The following SUGCT variants were observed in gnomAD, a reference collection of about 807,000 sequenced individuals.
SUGCT encodes succinyl-CoA:glutarate CoA-transferase.
A neutral mutation model predicts 55.0 loss-of-function variants in SUGCT; 41 were observed. That is an observed-to-expected ratio of 0.74 (90% CI 0.58 to 0.97). SUGCT has a LOEUF of 0.97. Among genes scored for constraint, SUGCT ranks in the 50% least tolerant of loss-of-function variants. SUGCT has a pLI of 0.00. For synonymous variants in SUGCT, 187 were observed against 200.4 expected, an observed-to-expected ratio of 0.93 and a Z score of 0.56; for missense variants, 568 against 547.8, an observed-to-expected ratio of 1.04 and a Z score of -0.37.
intron 12 of SUGCT, among the ~76,000 whole-genome samples, chr7:40,628,140 G>A (rs879706086): frequency 6.6e-6 from 1 of 152,334 alleles, no homozygotes; most frequent in Non-Finnish European, 1.5e-5. Flanking sequence ...TTTTGAGAGA[G>A]AGAGACCATA....
the SUGCT span, among the ~76,000 whole-genome samples, chr7:40,915,706 C>T: frequency 8.0e-6 from 1 of 125,152 alleles, no homozygotes; most frequent in Admixed American, 7.5e-5. Flanking sequence ...CCTGCTGGGA[C>T]AGGCAGCCCT....
At chr7:40,602,018 C>T (rs1037372329) in intron 12 of SUGCT, among the ~76,000 whole-genome samples, 3 of 152,122 alleles carry the variant, frequency 2.0e-5, no homozygotes, top group Non-Finnish European at 1.5e-5. Context: ...CAAGTTTTTA[C>T]CTTGGAGACC....
At chr7:40,714,521 C>T (rs963203489) in intron 12 of SUGCT, among the ~76,000 whole-genome samples, 4 of 152,156 alleles carry the variant, frequency 2.6e-5, no homozygotes, top group African/African-American at 7.2e-5. Flanking sequence ...ATGAAGTTAA[C>T]CTCAGAGCAG....
At chr7:40,664,446 A>G (rs548512653) in intron 12 of SUGCT, among the ~76,000 whole-genome samples, 1 of 152,302 alleles carries the variant, frequency 6.6e-6, no homozygotes, top group African/African-American at 2.4e-5. Flanking sequence ...TTTAAAAATC[A>G]TAATGCCAGG....
chr7:40,298,820 T>C (rs1438998800), intron 8 of SUGCT, among the ~76,000 whole-genome samples: 1 of 152,122 alleles, frequency 6.6e-6, no homozygotes, highest in Non-Finnish European at 1.5e-5. Context: ...AAACCTGCTT[T>C]TGAGAAGCAA....
chr7:40,889,287 T>C, the SUGCT span, among the ~76,000 whole-genome samples: 1 of 152,166 alleles, frequency 6.6e-6, no homozygotes, highest in Non-Finnish European at 1.5e-5. Context: ...GGACTTGGTC[T>C]TGAAACACAT....
intron 6 of SUGCT, among the ~76,000 whole-genome samples, chr7:40,217,967 G>A (rs932483657): frequency 5.3e-5 from 8 of 152,178 alleles, no homozygotes; most frequent in Non-Finnish European, 8.8e-5. Context: ...TAATCCTAGC[G>A]CTTTGGGAGG....
At chr7:40,530,840 A>G (rs1029395523) in intron 12 of SUGCT, among the ~76,000 whole-genome samples, 2 of 152,226 alleles carry the variant, frequency 1.3e-5, no homozygotes, top group Admixed American at 6.5e-5. Flanking sequence ...TCATTTAAAC[A>G]TTGGTTTTTT....
chr7:40,305,983 T>G (rs10266722), intron 8 of SUGCT, among the ~76,000 whole-genome samples: 82,540 of 152,006 alleles, frequency 0.54, 24,376 homozygotes, highest in Non-Finnish European at 0.67. Flanking sequence ...TATTTTATTT[T>G]TTTACATCCT....
chr7:40,898,637 T>C, the SUGCT span, among the ~76,000 whole-genome samples: 1 of 151,578 alleles, frequency 6.6e-6, no homozygotes, highest in South Asian at 2.1e-4. Context: ...GGTAGGAGAA[T>C]GGCGTGAACC....
At chr7:40,974,488 C>G in the SUGCT span, among the ~76,000 whole-genome samples, 1 of 152,198 alleles carries the variant, frequency 6.6e-6, no homozygotes, top group African/African-American at 2.4e-5. Flanking sequence ...CAAGTTAAGA[C>G]AAGAGCCCTC....
At chr7:40,363,226 G>A (rs1209847062) in intron 9 of SUGCT, among the ~76,000 whole-genome samples, 1 of 151,478 alleles carries the variant, frequency 6.6e-6, no homozygotes, top group Non-Finnish European at 1.5e-5. Flanking sequence ...AGTCTTGCTA[G>A]CGGTCTATCA....
intron 12 of SUGCT, among the ~76,000 whole-genome samples, chr7:40,684,947 T>C (rs1360382206): frequency 3.9e-5 from 6 of 152,100 alleles, no homozygotes; most frequent in Non-Finnish European, 7.4e-5. Flanking sequence ...TCTCCTCTCT[T>C]AGCCTCCCAA....
At chr7:40,487,581 G>A (rs936271642) in intron 11 of SUGCT, among the ~76,000 whole-genome samples, 1 of 151,846 alleles carries the variant, frequency 6.6e-6, no homozygotes, top group South Asian at 2.1e-4. Flanking sequence ...CTGTCTAGAT[G>A]ATATGTTTAT....
At chr7:40,997,778 G>T in the SUGCT span, among the ~76,000 whole-genome samples, 4 of 152,142 alleles carry the variant, frequency 2.6e-5, no homozygotes, top group East Asian at 7.7e-4. Flanking sequence ...CCCATACTTG[G>T]AACACAATAG....
At chr7:40,625,248 A>G (rs1584153976) in intron 12 of SUGCT, among the ~76,000 whole-genome samples, 2 of 152,058 alleles carry the variant, frequency 1.3e-5, no homozygotes, top group Admixed American at 6.6e-5. Context: ...GTGGAACTCA[A>G]TCCTTTTTCC....
chr7:40,807,448 G>A (rs1001407377), intron 13 of SUGCT, among the ~76,000 whole-genome samples: 2 of 152,156 alleles, frequency 1.3e-5, no homozygotes, highest in Non-Finnish European at 2.9e-5. Context: ...AGAGTCTGGA[G>A]GCAATTACTC....
chr7:40,924,852 TC>T, the SUGCT span, among the ~76,000 whole-genome samples: 1 of 152,262 alleles, frequency 6.6e-6, no homozygotes, highest in African/African-American at 2.4e-5. Context: ...AGGTGAACTT[TC>T]TTCATTCACA....
rs1792243805 is a variant in SUGCT at position 40,500,854 on chromosome 7, CACACACACACACAG to C, written c.1089+4473_1089+4486del. 1.1e-4 allele frequency among the ~76,000 whole-genome samples: 16 copies of C among 150,914 alleles called. 1 individual carries two copies. The South Asian group carries it at 3.3e-3, about 32-fold the overall frequency. On this transcript the variant is annotated intron_variant, in intron 12 of 13. Coordinates refer to ENST00000335693, the MANE Select transcript of SUGCT (RefSeq NM_001193313.2). ...CAGTTATTTTTCAAGACCTTTCTAT[CACACACACACACAG>C]ACACGCACACACACAAACACATACA... is the stretch of plus-strand genomic sequence containing the variant.
Sources: allele counts gnomAD v4.1 joint callset (sites outside exome capture counted in the v4.1 genomes callset), GRCh38; gene constraint gnomAD v4.1.1; transcripts MANE v1.5; gene names NCBI Gene and HGNC (gene_info 2026-07-23, HGNC 2026-07-21).